The following GOLGB1 variants were observed in gnomAD, a reference collection of about 807,000 sequenced individuals.
The protein encoded by GOLGB1 is golgin B1.
Under a neutral mutation model 336.9 loss-of-function variants are expected in GOLGB1, and 174 were observed. The observed-to-expected ratio is 0.52, with a 90% confidence interval of 0.46 to 0.59. The LOEUF is 0.59. GOLGB1 is among the 20% of genes least tolerant of loss of function. The probability of loss-of-function intolerance (pLI) is 0.00; values close to 1 mark genes in which losing one functional copy is unlikely to be tolerated. For synonymous variants in GOLGB1, 1,208 were observed against 1,289.2 expected (o/e 0.94, Z 1.35); for missense variants, 3,331 against 3,645.3 (o/e 0.91, Z 2.22).
rs1943122232 is a variant in GOLGB1, at chr3:121,698,328, T to C, written c.2195A>G (p.Glu732Gly). Residue 732 changes from glutamate (E) to glycine (G), a missense_variant, in exon 13 of 22, where the codon GAG becomes GGG. Transcript: ENST00000614479. ...GTTGTTGTCAGCATTTTTCTTAAAC[T>C]CCTCAATCAACTGGTTTAGGTTGCT... ...EISNLNQLIEEFKKNADNNSS... is the reference protein window; with the variant it reads ...EISNLNQLIEGFKKNADNNSS... 1 of 1,613,830 alleles carries C rather than the reference T, an allele frequency of 6.2e-7. No homozygotes were observed. Among genetic ancestry groups the C allele is most frequent in the Non-Finnish European group, 8.5e-7 (1 of 1,179,884 alleles).
chr3:121,733,143 GA>G (rs1946232675), intron 1 of GOLGB1, among the ~76,000 whole-genome samples: 1 of 152,066 alleles, frequency 6.6e-6, no homozygotes, highest in Non-Finnish European at 1.5e-5. Context: ...CTAACACTGT[GA>G]AACTCCAACT....
chr3:121,749,313 G>C (rs1476764540), intron 1 of GOLGB1: 1 of 152,542 alleles, frequency 6.6e-6, no homozygotes, highest in African/African-American at 2.4e-5. Flanking sequence ...CGTGCGGACA[G>C]GACTGACCTA....
intron 9 of GOLGB1, 137 bp from the exon 10 acceptor site, chr3:121,715,113 T>C (rs1319255236): frequency 1.0e-5 from 6 of 579,448 alleles, no homozygotes; most frequent in East Asian, 5.9e-5. Context: ...ATGACAACAT[T>C]ATTATTAGCT....
chr3:121,716,580 A>C (rs1944791479), intron 9 of GOLGB1, among the ~76,000 whole-genome samples, 157 bp downstream of exon 9: 1 of 152,236 alleles, frequency 6.6e-6, no homozygotes, highest in Admixed American at 6.5e-5. Context: ...CAGAGGCAAG[A>C]AAAATGCATC....
chr3:121,663,217 T>C lies in GOLGB1; in HGVS notation c.*1263A>G, dbSNP rs1938163002. 6.6e-6 allele frequency: 1 copy of C among 152,144 alleles called. No individual in the cohort carries two copies. Among genetic ancestry groups the C allele is most frequent in the Admixed American group, 6.6e-5 (1 of 15,266 alleles). 9.4% of individuals were successfully genotyped at this position (152,144 alleles called of 1,614,324 possible). A position where few individuals can be genotyped will look rare whatever the true frequency, so the allele number is the denominator to read the frequency against. ...CACAAACTCTTCATTCTGAAAATAA[T>C]TTTATTATTTTACAGTTGTTCAGGA... On this transcript the variant is annotated 3_prime_UTR_variant, in exon 22 of 22. Transcript: ENST00000614479.
Position 121,668,127 on chromosome 3 carries a change from G to GCTC in GOLGB1, c.9350_9352dup (p.Gly3117dup). The GCTC allele has an allele frequency of 6.2e-7, 1 of 1,604,136 alleles. No individual in the cohort carries two copies. ...GTGAACTCCATTCTTTTCCTGGGGA[G>GCTC]CTCCTGGAGCAACATCTATATTTAG... is the stretch of plus-strand genomic sequence containing the variant. On this transcript the variant is annotated inframe_insertion, in exon 19 of 22. Transcript: ENST00000614479.
intron 1 of GOLGB1, among the ~76,000 whole-genome samples, chr3:121,738,127 G>A (rs1946609055): frequency 6.6e-6 from 1 of 152,142 alleles, no homozygotes. Flanking sequence ...TGAAGGAAAT[G>A]AATACCATCA....
chr3:121,727,177 A>T lies in GOLGB1; in HGVS notation c.403-136T>A, dbSNP rs1576445096. ...TGATGGGAGCAAGAAAAACCAGCTG[A>T]TCTAACAAATAAGAAATCTTAGGGT... On this transcript the variant is annotated intron_variant, in intron 4 of 21. Coordinates refer to ENST00000614479, the MANE Select transcript of GOLGB1 (RefSeq NM_001366282.2). 3 of 423,268 alleles carry T rather than the reference A, an allele frequency of 7.1e-6. No individual in the cohort carries two copies. In the East Asian group the frequency reaches 1.6e-4, roughly 22 times the overall value. The allele number at this position is 423,268 out of a possible 1,614,324, so 26.2% of individuals were successfully genotyped here.
chr3:121,714,435 A>G (rs756420245), intron 10 of GOLGB1, among the ~76,000 whole-genome samples: 2 of 152,256 alleles, frequency 1.3e-5, no homozygotes, highest in Non-Finnish European at 2.9e-5. Context: ...CTGTTAATTA[A>G]TTAATGGGAA....
rs754623983 is a variant in GOLGB1, at chr3:121,694,487, T to G, written c.6036A>C (p.Ala2012=). ...AQKEPGNKSH[A]KELQELLKEK... ...CTTTTAACAGTTCCTGAAGTTCCTT[T>G]GCATGGCTTTTATTTCCGGGTTCTT... is the stretch of plus-strand genomic sequence containing the variant. Residue 2012 remains alanine (A), a synonymous_variant, in exon 13 of 22, where the codon GCA becomes GCC. Coordinates refer to ENST00000614479, the MANE Select transcript of GOLGB1 (RefSeq NM_001366282.2). The G allele has an allele frequency of 1.2e-6, 2 of 1,611,572 alleles. No homozygotes were observed. Among genetic ancestry groups the G allele is most frequent in the East Asian group, 4.5e-5 (2 of 44,874 alleles).
chr3:121,712,557 CAT>C (rs1334209854), intron 10 of GOLGB1, among the ~76,000 whole-genome samples: 1 of 152,136 alleles, frequency 6.6e-6, no homozygotes, highest in Non-Finnish European at 1.5e-5. Context: ...ATTCACCAAA[CAT>C]ATATGATAAT....
intron 6 of GOLGB1, 112 bp downstream of exon 6, chr3:121,722,150 G>A: frequency 6.0e-6 from 4 of 665,436 alleles, no homozygotes; most frequent in South Asian, 5.5e-5. Flanking sequence ...CAACACCCAT[G>A]CTACTATACT....
chr3:121,748,734 C>T (rs1383787430), intron 1 of GOLGB1: 37 of 824,566 alleles, frequency 4.5e-5, no homozygotes, highest in Admixed American at 6.2e-5. Flanking sequence ...TAAAAAGGTC[C>T]TTTAAATGCT....
At chr3:121,667,357 C>CA in intron 20 of GOLGB1, 119 bp downstream of exon 20, 1 of 1,039,394 alleles carries the variant, frequency 9.6e-7, no homozygotes, top group East Asian at 2.4e-5. Context: ...AAACTCATTG[C>CA]AGCAACTACC....
At chr3:121,675,526 T>C (rs994519291) in intron 17 of GOLGB1, among the ~76,000 whole-genome samples, 1 of 152,154 alleles carries the variant, frequency 6.6e-6, no homozygotes, top group Non-Finnish European at 1.5e-5. Context: ...TGCAACGACA[T>C]GGATGAATCT....
intron 14 of GOLGB1, among the ~76,000 whole-genome samples, chr3:121,687,739 A>G (rs1941897096): frequency 6.6e-6 from 1 of 152,238 alleles, no homozygotes; most frequent in Admixed American, 6.5e-5. Flanking sequence ...TGAATTAAAC[A>G]TAGTTAGCTA....
At chr3:121,712,892 G>A (rs1180329071) in intron 10 of GOLGB1, among the ~76,000 whole-genome samples, 2 of 152,150 alleles carry the variant, frequency 1.3e-5, no homozygotes, top group Non-Finnish European at 2.9e-5. Context: ...AGCCAGGTGC[G>A]GTGGCTCATG....
At position 121,677,501 on chromosome 3, in the gene GOLGB1, A is replaced by G. The variant is rs1344101300; in HGVS notation, c.8874-51T>C. Reference sequence around the variant, plus strand: ...GGTAAAAATATACTTGTAACTGGGCATGGTAGCTCGCACCTGTAACCTCAG... The same window carrying G: ...GGTAAAAATATACTTGTAACTGGGCGTGGTAGCTCGCACCTGTAACCTCAG... On this transcript the variant is annotated intron_variant, in intron 15 of 21. Coordinates refer to ENST00000614479, the MANE Select transcript of GOLGB1 (RefSeq NM_001366282.2). 3 of 1,274,840 alleles carry G rather than the reference A, an allele frequency of 2.4e-6. No individual in the cohort carries two copies. The African/African-American group carries it at 4.4e-5, about 19-fold the overall frequency. 79.0% of individuals were successfully genotyped at this position (1,274,840 alleles called of 1,614,324 possible).
At chr3:121,704,483 G>A (rs1024215852) in intron 10 of GOLGB1, among the ~76,000 whole-genome samples, 5 of 152,150 alleles carry the variant, frequency 3.3e-5, no homozygotes, top group Non-Finnish European at 5.9e-5. Flanking sequence ...CTTCTTTAAA[G>A]TACTGAAAGA....
Sources: allele counts gnomAD v4.1 joint callset (sites outside exome capture counted in the v4.1 genomes callset), GRCh38; gene constraint gnomAD v4.1.1; transcripts MANE v1.5; gene names NCBI Gene and HGNC (gene_info 2026-07-23, HGNC 2026-07-21).